PDILT: variants seen among roughly 807,000 people sequenced by gnomAD.
PDILT encodes the protein protein disulfide-isomerase-like protein of the testis.
A neutral mutation model predicts 53.7 loss-of-function variants in PDILT; 43 were observed. The observed-to-expected ratio is 0.80, with a 90% confidence interval of 0.63 to 1.03. The LOEUF is 1.03. Ranked by LOEUF, PDILT falls within the 50% of genes least tolerant of loss-of-function variation. The pLI is 0.00. For synonymous variants in PDILT, 282 were observed against 274.2 expected, an observed-to-expected ratio of 1.03 and a Z score of -0.28; for missense variants, 727 against 712.3, an observed-to-expected ratio of 1.02 and a Z score of -0.24.
At position 20,365,541 on chromosome 16, in the gene PDILT, C is replaced by A; in HGVS notation, c.1117-1G>T. 6.2e-7 allele frequency: 1 copy of A among 1,614,080 alleles called. No individual in the cohort carries two copies. Among genetic ancestry groups the A allele is most frequent in the Non-Finnish European group, 8.5e-7 (1 of 1,179,956 alleles). On this transcript the variant is annotated splice_acceptor_variant, in intron 8 of 11. Transcript: ENST00000302451. LOFTEE classifies it high-confidence loss of function. ...GAATCTCTTCACTGGATTGATGTTT[C>A]TAGGAAGCACATTTGAGAGGCCTAA...
At chr16:20,401,911 G>T (rs118115949) in intron 1 of PDILT, among the ~76,000 whole-genome samples, 32 of 152,214 alleles carry the variant, frequency 2.1e-4, no homozygotes, top group Non-Finnish European at 4.4e-5. Flanking sequence ...ACCTGGGCAG[G>T]CTGGATCATA....
In PDILT at chr16:20,360,576, C is replaced by T. The variant is rs1567317411; in HGVS notation, c.1498G>A (p.Glu500Lys). 1.2e-6 allele frequency: 2 copies of T among 1,613,470 alleles called. No homozygotes were observed. Among genetic ancestry groups the T allele is most frequent in the South Asian group, 1.1e-5 (1 of 91,062 alleles). Reference sequence around the variant, plus strand: ...TTTCTGTTGCCCCTTACCTCATCCTCATCCTCAATCTTAGTTTTGATGTGG... The same window carrying T: ...TTTCTGTTGCCCCTTACCTCATCCTTATCCTCAATCTTAGTTTTGATGTGG... ...ESHIKTKIED[E>K]DELLSVEQNE... The change falls in exon 11 of 12, where the codon GAG becomes AAG. Residue 500 changes from glutamate to lysine, a missense_variant. Glu to Lys is a moderately conservative substitution (Grantham distance 56). Coordinates refer to ENST00000302451, the MANE Select transcript of PDILT (RefSeq NM_174924.2).
At chr16:20,389,328 A>G (rs1015021888) in intron 2 of PDILT, among the ~76,000 whole-genome samples, 1 of 152,182 alleles carries the variant, frequency 6.6e-6, no homozygotes, top group Non-Finnish European at 1.5e-5. Flanking sequence ...ATTCATAAAA[A>G]GTGGGGTTAT....
intron 8 of PDILT, among the ~76,000 whole-genome samples, chr16:20,368,081 C>T (rs113150918): frequency 8.5e-5 from 13 of 152,250 alleles, no homozygotes; most frequent in African/African-American, 3.1e-4. Context: ...GATGAGGAAT[C>T]GTAGCCATGT....
At chr16:20,388,557 A>G (rs1217055309) in intron 2 of PDILT, among the ~76,000 whole-genome samples, 1 of 152,192 alleles carries the variant, frequency 6.6e-6, no homozygotes, top group Non-Finnish European at 1.5e-5. Flanking sequence ...GAGACAACCT[A>G]CACAGCCAAC....
chr16:20,366,175 T>A (rs1966189074), intron 8 of PDILT, among the ~76,000 whole-genome samples: 1 of 152,204 alleles, frequency 6.6e-6, no homozygotes, highest in Non-Finnish European at 1.5e-5. Flanking sequence ...TATAAAACCT[T>A]GATCACACTT....
Position 20,362,551 on chromosome 16 carries a change from C to T in PDILT, c.1269G>A (p.Leu423=). The T allele has an allele frequency of 5.6e-6, 9 of 1,614,132 alleles. No individual in the cohort carries two copies. The highest frequency in any genetic ancestry group is 7.6e-6 in the Non-Finnish European group (9 of 1,180,028). ...YAPWSKKCKM[L]FPLLEELGRK... is the part of the protein sequence containing the mutation. ...TGCCCAATTCCTCCAACAGTGGGAA[C>T]AGCATCTTGCACTTTTTAGACCAGG... Residue 423 remains leucine (L), a synonymous_variant, in exon 10 of 12, where the codon CTG becomes CTA. Coordinates refer to ENST00000302451, the MANE Select transcript of PDILT (RefSeq NM_174924.2).
chr16:20,366,961 TTCCTTCCTTCCTTCCTTCCTTCCTTC>T (rs1966202425), intron 8 of PDILT, among the ~76,000 whole-genome samples: 6 of 143,620 alleles, frequency 4.2e-5, no homozygotes, highest in South Asian at 2.4e-4. Flanking sequence ...CCTTCCTTCC[TTCCTTCCTTCCTTCCTTCCTTCCTTC>T]CTTTCTTTCT....
intron 7 of PDILT, 94 bp downstream of exon 7, chr16:20,372,708 T>C: frequency 7.0e-7 from 1 of 1,420,362 alleles, no homozygotes. Context: ...CCTGATTCAA[T>C]TTATAATAAG....
In PDILT at chr16:20,369,483, A is replaced by G. The variant is rs1966268475; in HGVS notation, c.1116+9T>C. The G allele has an allele frequency of 1.9e-6, 3 of 1,612,306 alleles. No individual in the cohort carries two copies. Among genetic ancestry groups the G allele is most frequent in the African/African-American group, 1.3e-5 (1 of 74,892 alleles). On this transcript the variant is annotated intron_variant, in intron 8 of 11. Coordinates refer to ENST00000302451, the MANE Select transcript of PDILT (RefSeq NM_174924.2). ...GTTCTGGATAAACCTTGTCCAAGAAAAAACCTACTGTGGCATTTTTACTCA... is the reference window on the plus strand; with the variant it reads ...GTTCTGGATAAACCTTGTCCAAGAAGAAACCTACTGTGGCATTTTTACTCA...
intron 4 of PDILT, 91 bp downstream of exon 4, chr16:20,375,977 T>C: frequency 6.6e-7 from 1 of 1,506,084 alleles, no homozygotes; most frequent in Non-Finnish European, 9.0e-7. Context: ...AATTGGGCAA[T>C]CAAAACGGAA....
rs745779069 is a variant in PDILT, at chr16:20,359,377, GCCA to G, written c.1694_1696del (p.Val565del). 65 of 1,613,796 alleles carry G rather than the reference GCCA, an allele frequency of 4.0e-5. No homozygotes were observed. The highest frequency in any genetic ancestry group is 2.7e-4 in the Admixed American group (16 of 59,972). On this transcript the variant is annotated inframe_deletion, in exon 12 of 12. Transcript: ENST00000302451. ...TTGCACTGGAGGTCCCTTTGGCTTA[GCCA>G]CCACCACCACCACCTCCTCAGATGT...
intron 3 of PDILT, among the ~76,000 whole-genome samples, chr16:20,383,292 C>T (rs1966486057): frequency 6.6e-6 from 1 of 152,172 alleles, no homozygotes; most frequent in African/African-American, 2.4e-5. Context: ...GCTCCGATGA[C>T]CTAGGGCCTC....
intron 4 of PDILT, among the ~76,000 whole-genome samples, chr16:20,375,452 G>A (rs530132830): frequency 2.0e-5 from 3 of 152,254 alleles, no homozygotes; most frequent in Admixed American, 1.3e-4. Flanking sequence ...GCCTTCTACT[G>A]GGAGGAGAGA....
chr16:20,368,344 A>G (rs140005576), intron 8 of PDILT, among the ~76,000 whole-genome samples: 2 of 152,254 alleles, frequency 1.3e-5, no homozygotes, highest in East Asian at 3.9e-4. Flanking sequence ...ACAGGGTCAA[A>G]AAGCATGGGA....
intron 1 of PDILT, 119 bp from the exon 2 acceptor site, chr16:20,399,426 C>T: frequency 1.9e-6 from 2 of 1,066,640 alleles, no homozygotes; most frequent in Non-Finnish European, 2.7e-6. Flanking sequence ...TGAGCATTGC[C>T]TCCCAGCAAT....
chr16:20,367,079 CTTT>C lies in PDILT; in HGVS notation c.1117-1542_1117-1540del, dbSNP rs1567320884. Among the ~76,000 whole-genome samples, 95 of 120,272 alleles carry C rather than the reference CTTT, an allele frequency of 7.9e-4. 1 individual carries two copies. The highest frequency in any genetic ancestry group is 8.0e-3 in the Middle Eastern group (2 of 250). 78.9% of individuals were successfully genotyped at this position (120,272 alleles called of 152,430 possible). ...TCTTTCTTTCTTTCTTTCTTTCTTT[CTTT>C]CTTTCTTTCTTTCTTTCTTTCTTCC... is the stretch of plus-strand genomic sequence containing the variant. On this transcript the variant is annotated intron_variant, in intron 8 of 11. Transcript: ENST00000302451.
In PDILT at chr16:20,359,482, G is replaced by A. The variant is rs2141695154; in HGVS notation, c.1592C>T (p.Pro531Leu). The A allele has an allele frequency of 1.2e-6, 2 of 1,614,050 alleles. No homozygotes were observed. The highest frequency in any genetic ancestry group is 1.7e-6 in the Non-Finnish European group (2 of 1,179,984). Residue 531 changes from proline to leucine, a missense_variant, in exon 12 of 12, where the codon CCT (proline) becomes CTT (leucine). Physicochemically the swap from Pro to Leu is moderately conservative, Grantham distance 98. Transcript: ENST00000302451. ...KEVPMMRKGL[P>L]EQQSPELENM... is the part of the protein sequence containing the mutation. ...CTCCAGCTCAGGCGACTGCTGTTCAGGTAACCCTTTCCTCATCATAGGCAC... is the reference window on the plus strand; with the variant it reads ...CTCCAGCTCAGGCGACTGCTGTTCAAGTAACCCTTTCCTCATCATAGGCAC...
intron 3 of PDILT, among the ~76,000 whole-genome samples, chr16:20,380,144 C>T (rs1021784013): frequency 6.6e-6 from 1 of 152,150 alleles, no homozygotes; most frequent in Non-Finnish European, 1.5e-5. Context: ...TTTCCACACT[C>T]CAACGTTACA....
Sources: gnomAD v4.1 joint callset for allele counts (sites outside exome capture counted in the v4.1 genomes callset) on GRCh38, gnomAD v4.1.1 for gene constraint, MANE v1.5 for transcripts, NCBI Gene and HGNC (gene_info 2026-07-23, HGNC 2026-07-21) for gene names.